The following IL1RAPL2 variants were observed in gnomAD, a reference collection of about 807,000 sequenced individuals.
The protein encoded by IL1RAPL2 is X-linked interleukin-1 receptor accessory protein-like 2.
A neutral mutation model predicts 44.1 loss-of-function variants in IL1RAPL2; 3 were observed. The observed-to-expected ratio is 0.07, with a 90% confidence interval of 0.03 to 0.18. IL1RAPL2 has a LOEUF of 0.18. Among genes scored for constraint, IL1RAPL2 ranks in the 10% least tolerant of loss-of-function variants. The pLI, the probability that IL1RAPL2 is intolerant of heterozygous loss-of-function variation, is 1.00. For missense variants in IL1RAPL2, 391 were observed against 496.4 expected, an observed-to-expected ratio of 0.79 and a Z score of 2.02; for synonymous variants, 181 against 178.8, an observed-to-expected ratio of 1.01 and a Z score of -0.10.
chrX:105,267,088 C>T (rs1052947368), intron 4 of IL1RAPL2, among the ~76,000 whole-genome samples: 1 of 111,130 alleles, frequency 9.0e-6, no homozygotes, highest in Non-Finnish European at 1.9e-5. Context: ...TCTGCTATAC[C>T]TCTCTTGTAA....
At chrX:105,739,594 C>T (rs1400637477) in intron 7 of IL1RAPL2, among the ~76,000 whole-genome samples, 4 of 100,815 alleles carry the variant, frequency 4.0e-5, no homozygotes, top group Admixed American at 1.1e-4. Context: ...TGAGAATATG[C>T]GGTGTTTGGT....
At chrX:105,693,944 C>T (rs2038057210) in intron 6 of IL1RAPL2, among the ~76,000 whole-genome samples, 1 of 112,020 alleles carries the variant, frequency 8.9e-6, no homozygotes, top group Non-Finnish European at 1.9e-5. Context: ...GACACTTTGA[C>T]GAATCCACTG....
rs927216125 is a variant in IL1RAPL2, at chrX:104,878,838, C to T, written c.82+219843C>T. ...CATGTAAGTATATTTTATTAGCTTC[C>T]TTTTTTTTTGAATGAACAAATTTTG... On this transcript the variant is annotated intron_variant, in intron 2 of 10. Transcript: ENST00000372582. 2.7e-5 allele frequency among the ~76,000 whole-genome samples: 3 copies of T among 109,143 alleles called. No homozygotes were observed. The East Asian group carries it at 8.6e-4, about 31-fold the overall frequency. The allele number at this position is 109,143 out of a possible 115,157, so 94.8% of individuals were successfully genotyped here.
chrX:104,936,527 C>G (rs904017394), intron 2 of IL1RAPL2, among the ~76,000 whole-genome samples: 7 of 110,515 alleles, frequency 6.3e-5, no homozygotes, highest in Non-Finnish European at 1.3e-4. Context: ...GGGCAGCTGC[C>G]CTGGGTACCA....
At position 104,912,394 on chromosome X, in the gene IL1RAPL2, T is replaced by A. The variant is rs779101060; in HGVS notation, c.82+253399T>A. 6.3e-5 allele frequency among the ~76,000 whole-genome samples: 7 copies of A among 110,666 alleles called. No homozygotes were observed. The South Asian group carries it at 2.7e-3, about 43-fold the overall frequency. Reference sequence around the variant, plus strand: ...GGTGCCCTTTCTGCTATACCACATGTTTTTATGTGCCTCTAGCCCCATAAT... The same window carrying A: ...GGTGCCCTTTCTGCTATACCACATGATTTTATGTGCCTCTAGCCCCATAAT... On this transcript the variant is annotated intron_variant, in intron 2 of 10. Transcript: ENST00000372582.
intron 2 of IL1RAPL2, among the ~76,000 whole-genome samples, chrX:105,056,578 T>C (rs1364944770): frequency 9.0e-6 from 1 of 111,589 alleles, no homozygotes; most frequent in Non-Finnish European, 1.9e-5. Context: ...TTGGATGTAG[T>C]AGATCAGACC....
At chrX:105,442,348 G>A (rs2035926459) in intron 5 of IL1RAPL2, among the ~76,000 whole-genome samples, 1 of 111,358 alleles carries the variant, frequency 9.0e-6, no homozygotes, top group African/African-American at 3.3e-5. Context: ...ACAGGTGTGA[G>A]CCACCGTGCC....
chrX:104,602,035 T>C (rs1254547587), intron 1 of IL1RAPL2, among the ~76,000 whole-genome samples: 3 of 111,990 alleles, frequency 2.7e-5, no homozygotes, highest in Non-Finnish European at 5.6e-5. Context: ...TGGTAGGGAT[T>C]TCCTGGCAAG....
chrX:104,588,434 G>A (rs1363250621), intron 1 of IL1RAPL2, among the ~76,000 whole-genome samples: 1 of 111,403 alleles, frequency 9.0e-6, no homozygotes, highest in Non-Finnish European at 1.9e-5. Flanking sequence ...ATTGAAAATA[G>A]GGAAAGAACA....
At chrX:104,689,951 A>G (rs939640022) in intron 2 of IL1RAPL2, among the ~76,000 whole-genome samples, 1 of 112,255 alleles carries the variant, frequency 8.9e-6, no homozygotes, top group Non-Finnish European at 1.9e-5. Flanking sequence ...TGTTATCTGT[A>G]TGTCATTTGG....
chrX:105,309,965 C>T (rs146578807), intron 5 of IL1RAPL2, among the ~76,000 whole-genome samples: 45 of 111,104 alleles, frequency 4.1e-4, no homozygotes, highest in African/African-American at 1.4e-3. Context: ...GTATCTTTAA[C>T]TAGTTTGAGT....
chrX:104,669,140 G>A lies in IL1RAPL2; in HGVS notation c.82+10145G>A, dbSNP rs192126269. Among the ~76,000 whole-genome samples, 26 of 111,042 alleles carry A rather than the reference G, an allele frequency of 2.3e-4. No homozygotes were observed. In the East Asian group the frequency reaches 5.4e-3, roughly 23 times the overall value. ...TCTTTGCTTGTTTCTTGTGCATTTC[G>A]CCCTCCCCAAGGCTAAAGAGAATTC... On this transcript the variant is annotated intron_variant, in intron 2 of 10. Transcript: ENST00000372582.
In IL1RAPL2 at chrX:105,248,178, C is replaced by T. The variant is rs892915024; in HGVS notation, c.543+14174C>T. On this transcript the variant is annotated intron_variant, in intron 4 of 10. Transcript: ENST00000372582. ...AACATCCTTGTAAACATACATGCTT[C>T]CTTACATCCATGACATACAAGATGG... is the stretch of plus-strand genomic sequence containing the variant. Among the ~76,000 whole-genome samples the T allele has an allele frequency of 6.3e-5, 7 of 110,998 alleles. No individual in the cohort carries two copies. In the Admixed American group the frequency reaches 6.8e-4, roughly 11 times the overall value.
At chrX:105,597,963 C>T (rs1369119841) in intron 6 of IL1RAPL2, among the ~76,000 whole-genome samples, 1 of 111,064 alleles carries the variant, frequency 9.0e-6, no homozygotes, top group Non-Finnish European at 1.9e-5. Context: ...TGGGTATACA[C>T]CTGAGGAAAT....
chrX:105,486,734 A>ATATATATC (rs527419492), intron 6 of IL1RAPL2, among the ~76,000 whole-genome samples: 20 of 103,867 alleles, frequency 1.9e-4, no homozygotes, highest in African/African-American at 7.4e-4. Flanking sequence ...CTATATATCT[A>ATATATATC]TATCTATCTA....
intron 5 of IL1RAPL2, among the ~76,000 whole-genome samples, chrX:105,449,445 A>T (rs768202209): frequency 9.0e-6 from 1 of 110,961 alleles, no homozygotes; most frequent in Non-Finnish European, 1.9e-5. Flanking sequence ...TTAGCCGGGC[A>T]TGGTGGCGGG....
chrX:104,593,137 G>A (rs1468828548), intron 1 of IL1RAPL2, among the ~76,000 whole-genome samples: 2 of 111,137 alleles, frequency 1.8e-5, no homozygotes, highest in Non-Finnish European at 3.8e-5. Flanking sequence ...GTATCTGCAG[G>A]GCTGCTAACA....
rs190186309 is a variant in IL1RAPL2, at chrX:105,551,083, T to C, written c.772+66696T>C. Among the ~76,000 whole-genome samples the C allele has an allele frequency of 5.4e-5, 6 of 110,815 alleles. No individual in the cohort carries two copies. The East Asian group carries it at 1.7e-3, about 31-fold the overall frequency. On this transcript the variant is annotated intron_variant, in intron 6 of 10. Coordinates refer to ENST00000372582, the MANE Select transcript of IL1RAPL2 (RefSeq NM_017416.2). The stretch of plus-strand genomic sequence containing the variant: ...TCCAGGTTTTTACAGTGAATAGTGG[T>C]AGAACAGGTCTATAATAATTTTTCT...
intron 2 of IL1RAPL2, among the ~76,000 whole-genome samples, chrX:105,003,873 G>A (rs1256264539): frequency 9.0e-6 from 1 of 111,464 alleles, no homozygotes; most frequent in African/African-American, 3.3e-5. Context: ...TGACATTAAA[G>A]TAGCTAATGT....
Sources: gnomAD v4.1 joint callset for allele counts (sites outside exome capture counted in the v4.1 genomes callset) on GRCh38, gnomAD v4.1.1 for gene constraint, MANE v1.5 for transcripts, NCBI Gene and HGNC (gene_info 2026-07-23, HGNC 2026-07-21) for gene names.